CLYBL: variants seen among roughly 807,000 people sequenced by gnomAD.
The protein encoded by CLYBL is citramalyl-CoA lyase, mitochondrial.
In CLYBL, 31 loss-of-function variants were observed where a neutral mutation model predicts 38.9. The ratio of observed to expected loss-of-function variants is 0.80; its 90% CI spans 0.60 to 1.08. CLYBL has a LOEUF of 1.08. Ranked by LOEUF, CLYBL falls within the 50% of genes least tolerant of loss-of-function variation. The pLI, the probability that CLYBL is intolerant of heterozygous loss-of-function variation, is 0.00. For missense variants in CLYBL, 434 were observed against 411.6 expected (o/e 1.05, Z -0.47); for synonymous variants, 171 against 158.6 (o/e 1.08, Z -0.59).
At chr13:99,690,199 T>C (rs2047879619) in intron 1 of CLYBL, 1 of 152,220 alleles carries the variant, frequency 6.6e-6, no homozygotes, top group African/African-American at 2.4e-5. Flanking sequence ...GCCATCTTCT[T>C]TTTTATTGTT....
At chr13:99,774,005 G>A (rs1362337811) in intron 2 of CLYBL, among the ~76,000 whole-genome samples, 1 of 151,782 alleles carries the variant, frequency 6.6e-6, no homozygotes, top group Non-Finnish European at 1.5e-5. Context: ...CAAGATAGGA[G>A]CATCACTTGA....
intron 2 of CLYBL, among the ~76,000 whole-genome samples, chr13:99,780,972 C>T (rs1197913232): frequency 7.2e-5 from 11 of 151,736 alleles, no homozygotes; most frequent in Non-Finnish European, 1.6e-4. Context: ...CCTCGGCCTC[C>T]CAAAGTGCTG....
intron 1 of CLYBL, among the ~76,000 whole-genome samples, chr13:99,650,067 T>C (rs996816619): frequency 2.6e-5 from 4 of 151,610 alleles, no homozygotes; most frequent in Non-Finnish European, 5.9e-5. Flanking sequence ...ATAGAGACCA[T>C]CATGGCTAAC....
In CLYBL at chr13:99,702,799, C is replaced by G. The variant is rs567880570; in HGVS notation, c.63-70025C>G. On this transcript the variant is annotated intron_variant, in intron 1 of 8. Coordinates refer to ENST00000339105, the MANE Select transcript of CLYBL (RefSeq NM_206808.5). ...AAATAGCCCTTTTTGGCTCCATCTC[C>G]TTTACTGTGGTCACCTGCACATGCC... Among the ~76,000 whole-genome samples, 22 of 152,316 alleles carry G rather than the reference C, an allele frequency of 1.4e-4. No homozygotes were observed. The South Asian group carries it at 4.3e-3, about 30-fold the overall frequency.
intron 2 of CLYBL, among the ~76,000 whole-genome samples, chr13:99,851,521 A>T (rs1191142504): frequency 2.0e-5 from 3 of 152,112 alleles, no homozygotes; most frequent in East Asian, 1.9e-4. Context: ...CGGGCTAAGG[A>T]TGTAAATAGA....
intron 8 of CLYBL, among the ~76,000 whole-genome samples, chr13:99,903,951 G>A (rs940537772): frequency 2.0e-5 from 3 of 152,068 alleles, no homozygotes; most frequent in Middle Eastern, 3.4e-3. Context: ...AGGCTGATGC[G>A]GGAGGAGCAC....
Position 99,773,029 on chromosome 13 carries a change from T to G in CLYBL, c.249+19T>G. 12 of 1,597,660 alleles carry G rather than the reference T, an allele frequency of 7.5e-6. No individual in the cohort carries two copies. The highest frequency in any genetic ancestry group is 1.0e-5 in the Non-Finnish European group (12 of 1,175,192). On this transcript the variant is annotated intron_variant, in intron 2 of 8. Transcript: ENST00000339105. ...CAAAAAGGTAATGGCATGATTTTAG[T>G]ATGAGAAAAAGAAAGGTATTGAAAT...
At chr13:99,635,027 G>A (rs2046999206) in intron 1 of CLYBL, among the ~76,000 whole-genome samples, 1 of 152,100 alleles carries the variant, frequency 6.6e-6, no homozygotes, top group Non-Finnish European at 1.5e-5. Flanking sequence ...ACACTGTCTG[G>A]CTTAATCTTA....
At chr13:99,629,858 T>C (rs571834357) in intron 1 of CLYBL, among the ~76,000 whole-genome samples, 2 of 152,284 alleles carry the variant, frequency 1.3e-5, no homozygotes, top group Admixed American at 1.3e-4. Flanking sequence ...ACAGAGGAGA[T>C]GTTGTGCTTA....
chr13:99,660,946 T>C (rs982758555), intron 1 of CLYBL, among the ~76,000 whole-genome samples: 1 of 152,194 alleles, frequency 6.6e-6, no homozygotes, highest in African/African-American at 2.4e-5. Flanking sequence ...AAATTGTTTT[T>C]AAAAAATGTT....
chr13:99,805,049 C>A (rs1351840399), intron 2 of CLYBL, among the ~76,000 whole-genome samples: 1 of 152,192 alleles, frequency 6.6e-6, no homozygotes, highest in East Asian at 1.9e-4. Flanking sequence ...TTCACTCCGC[C>A]TATTGTCTTC....
At chr13:99,747,967 C>T (rs2048883706) in intron 1 of CLYBL, among the ~76,000 whole-genome samples, 1 of 152,060 alleles carries the variant, frequency 6.6e-6, no homozygotes, top group Admixed American at 6.5e-5. Flanking sequence ...AAAATGTTAA[C>T]CATTTTCAAG....
intron 7 of CLYBL, among the ~76,000 whole-genome samples, chr13:99,881,415 C>G (rs914059923): frequency 1.3e-5 from 2 of 152,108 alleles, no homozygotes; most frequent in Non-Finnish European, 2.9e-5. Context: ...CTTTTACTAT[C>G]TTCCTGACAG....
intron 2 of CLYBL, among the ~76,000 whole-genome samples, chr13:99,809,011 CAGATGGCTGGGGG>C (rs2050287075): frequency 6.6e-6 from 1 of 152,032 alleles, no homozygotes; most frequent in Non-Finnish European, 1.5e-5. Flanking sequence ...AGACACTTGT[CAGATGGCTGGGGG>C]AGGTGGGGTG....
chr13:99,867,461 T>C (rs1022520016), intron 6 of CLYBL, among the ~76,000 whole-genome samples: 1 of 152,216 alleles, frequency 6.6e-6, no homozygotes, highest in Non-Finnish European at 1.5e-5. Flanking sequence ...TCTGAGTTTG[T>C]TCTTGTGTTT....
intron 2 of CLYBL, among the ~76,000 whole-genome samples, chr13:99,788,514 A>G (rs1160680197): frequency 2.0e-5 from 3 of 152,070 alleles, no homozygotes; most frequent in Admixed American, 1.3e-4. Context: ...ATTGATTTGC[A>G]TATGTTGAAC....
intron 2 of CLYBL, among the ~76,000 whole-genome samples, chr13:99,792,804 C>T (rs2049944556): frequency 6.6e-6 from 1 of 152,100 alleles, no homozygotes; most frequent in Non-Finnish European, 1.5e-5. Flanking sequence ...TGTTAGACTG[C>T]AGAACCGGGG....
intron 1 of CLYBL, among the ~76,000 whole-genome samples, chr13:99,608,206 G>A (rs1214982522): frequency 1.3e-5 from 2 of 151,592 alleles, no homozygotes; most frequent in Non-Finnish European, 2.9e-5. Context: ...GGAGTAGTTG[G>A]GATTACAGGG....
intron 2 of CLYBL, among the ~76,000 whole-genome samples, chr13:99,847,728 C>T (rs974093381): frequency 6.6e-6 from 1 of 152,192 alleles, no homozygotes; most frequent in Non-Finnish European, 1.5e-5. Context: ...GACCCTCCTT[C>T]GAAGGAAGGA....
Sources: gnomAD v4.1 joint callset for allele counts (sites outside exome capture counted in the v4.1 genomes callset) on GRCh38, gnomAD v4.1.1 for gene constraint, MANE v1.5 for transcripts, NCBI Gene and HGNC (gene_info 2026-07-23, HGNC 2026-07-21) for gene names.